Variants in NCKAP5 observed in about 807,000 individuals in gnomAD.
The protein encoded by NCKAP5 is NCK associated protein 5.
Under a neutral mutation model 167.0 loss-of-function variants are expected in NCKAP5, and 92 were observed. That is an observed-to-expected ratio of 0.55 (90% CI 0.47 to 0.66). The LOEUF (loss-of-function observed/expected upper bound fraction) is 0.66, where lower values mean the gene tolerates loss of function less well. NCKAP5 is among the 30% of genes least tolerant of loss of function. The pLI is 0.00. For missense variants in NCKAP5, 2,378 were observed against 2,315.0 expected (o/e 1.03, Z -0.56); for synonymous variants, 891 against 877.4 (o/e 1.02, Z -0.27).
At chr2:133,447,687 C>T (rs1268158164) in intron 3 of NCKAP5, among the ~76,000 whole-genome samples, 1 of 151,396 alleles carries the variant, frequency 6.6e-6, no homozygotes, top group East Asian at 1.9e-4. Flanking sequence ...ATGGGGTCTC[C>T]TTATGTTGCC....
chr2:132,939,128 G>GA (rs58694785), intron 8 of NCKAP5, among the ~76,000 whole-genome samples: 11 of 151,842 alleles, frequency 7.2e-5, no homozygotes, highest in South Asian at 2.1e-4. Context: ...GTGATGATAT[G>GA]AAAAAAAATG....
chr2:133,080,010 C>A (rs1204905813), intron 6 of NCKAP5, among the ~76,000 whole-genome samples: 1 of 152,112 alleles, frequency 6.6e-6, no homozygotes, highest in Non-Finnish European at 1.5e-5. Context: ...CAATACCTAG[C>A]ACAATGCCTG....
At chr2:133,121,682 G>T (rs2082255779) in intron 6 of NCKAP5, among the ~76,000 whole-genome samples, 1 of 152,138 alleles carries the variant, frequency 6.6e-6, no homozygotes, top group Non-Finnish European at 1.5e-5. Flanking sequence ...AAACAGTTTG[G>T]CAGTTCCTTA....
intron 6 of NCKAP5, among the ~76,000 whole-genome samples, chr2:133,049,054 C>A (rs966877817): frequency 3.3e-5 from 5 of 152,260 alleles, no homozygotes; most frequent in Middle Eastern, 3.4e-3. Flanking sequence ...AAAGTGAAGC[C>A]TCCATTATCA....
intron 2 of NCKAP5, among the ~76,000 whole-genome samples, chr2:133,528,064 A>G (rs1685068684): frequency 6.6e-6 from 1 of 152,114 alleles, no homozygotes. Context: ...CCCTGTCTCA[A>G]AAAACAAAAC....
Position 133,069,870 on chromosome 2 carries a change from A to AAT in NCKAP5, c.341+60106_341+60107dup, listed in dbSNP as rs147055702. Among the ~76,000 whole-genome samples, 1,369 of 151,320 alleles carry AAT rather than the reference A, an allele frequency of 9.0e-3. 12 individuals carry two copies. Among genetic ancestry groups the AAT allele is most frequent in the Non-Finnish European group, 0.013 (906 of 67,812 alleles). Reference sequence around the variant, plus strand: ...TTATAAATTTCATTGATTTATTAAAAATATATATATATACACACACACAAA... The same window carrying AAT: ...TTATAAATTTCATTGATTTATTAAAAATATATATATATATACACACACACAAA... On this transcript the variant is annotated intron_variant, in intron 6 of 19. Transcript: ENST00000409261.
intron 3 of NCKAP5, among the ~76,000 whole-genome samples, chr2:133,486,369 G>T (rs1248873716): frequency 6.6e-6 from 1 of 152,176 alleles, no homozygotes; most frequent in Non-Finnish European, 1.5e-5. Flanking sequence ...TGTTGTTGTT[G>T]TTTATCAGCA....
chr2:133,153,578 T>C (rs2083456392), intron 5 of NCKAP5, among the ~76,000 whole-genome samples: 1 of 152,126 alleles, frequency 6.6e-6, no homozygotes, highest in Non-Finnish European at 1.5e-5. Context: ...AAGCCCTTAA[T>C]TTTCCCCTTC....
intron 4 of NCKAP5, among the ~76,000 whole-genome samples, chr2:133,252,284 T>C (rs2088382856): frequency 6.6e-6 from 1 of 152,186 alleles, no homozygotes; most frequent in Non-Finnish European, 1.5e-5. Context: ...ATAAAATCAC[T>C]TTGCCCAGAG....
intron 4 of NCKAP5, among the ~76,000 whole-genome samples, chr2:133,275,803 A>G (rs543658715): frequency 6.6e-6 from 1 of 151,878 alleles, no homozygotes; most frequent in Non-Finnish European, 1.5e-5. Context: ...ATCAGAATCT[A>G]GTTGCCTTTC....
intron 6 of NCKAP5, among the ~76,000 whole-genome samples, chr2:133,116,058 AT>A (rs2082072527): frequency 6.6e-6 from 1 of 151,772 alleles, no homozygotes; most frequent in Non-Finnish European, 1.5e-5. Context: ...AATTTCTCCA[AT>A]TGTTAAGGGT....
At chr2:133,562,563 C>A (rs533576275) in intron 1 of NCKAP5, among the ~76,000 whole-genome samples, 1 of 152,298 alleles carries the variant, frequency 6.6e-6, no homozygotes, top group East Asian at 1.9e-4. Flanking sequence ...CATTTCAGAA[C>A]TAACAGCTCT....
intron 6 of NCKAP5, among the ~76,000 whole-genome samples, chr2:132,999,208 C>T (rs1394071706): frequency 3.3e-5 from 5 of 152,122 alleles, no homozygotes; most frequent in African/African-American, 4.8e-5. Context: ...TTTTAAGGTA[C>T]ACACTATGTA....
At chr2:132,878,042 ACT>A (rs1471263345) in intron 9 of NCKAP5, among the ~76,000 whole-genome samples, 2 of 152,184 alleles carry the variant, frequency 1.3e-5, no homozygotes, top group Non-Finnish European at 2.9e-5. Flanking sequence ...AACTGCAATC[ACT>A]GACAGGTCCT....
chr2:133,178,839 A>AAC (rs1303541482), intron 5 of NCKAP5, among the ~76,000 whole-genome samples: 2 of 150,500 alleles, frequency 1.3e-5, no homozygotes. Context: ...CAAAAAAAAA[A>AAC]AAAAAAAAAA....
chr2:132,810,626 C>T (rs933637474), intron 11 of NCKAP5, among the ~76,000 whole-genome samples: 5 of 152,022 alleles, frequency 3.3e-5, no homozygotes, highest in East Asian at 1.9e-4. Flanking sequence ...CTGAATTTTT[C>T]GTTGTTTTTT....
intron 10 of NCKAP5, 60 bp from the exon 11 acceptor site, chr2:132,860,671 A>C: frequency 6.6e-7 from 1 of 1,522,754 alleles, no homozygotes; most frequent in Non-Finnish European, 8.8e-7. Context: ...TTTGCATATT[A>C]TAACCATATT....
intron 12 of NCKAP5, among the ~76,000 whole-genome samples, chr2:132,794,243 TATATATATATATATATATATAGAG>T (rs1370200251): frequency 1.7e-4 from 10 of 57,838 alleles, no homozygotes; most frequent in African/African-American, 6.3e-4. Context: ...TATATATATA[TATATATATATATATATATATAGAG>T]AGAGAGAGAG....
intron 3 of NCKAP5, among the ~76,000 whole-genome samples, chr2:133,318,250 C>T (rs1409571894): frequency 6.6e-6 from 1 of 152,066 alleles, no homozygotes; most frequent in African/African-American, 2.4e-5. Context: ...TAGTAGATAC[C>T]CATCCCTGCC....
Sources: gnomAD v4.1 joint callset for allele counts (sites outside exome capture counted in the v4.1 genomes callset) on GRCh38, gnomAD v4.1.1 for gene constraint, MANE v1.5 for transcripts, NCBI Gene and HGNC (gene_info 2026-07-23, HGNC 2026-07-21) for gene names.